The following RBFOX1 variants were observed in gnomAD, a reference collection of about 807,000 sequenced individuals.
The protein encoded by RBFOX1 is RNA binding fox-1 homolog 1.
RBFOX1 carries 8 observed loss-of-function variants against 57.7 expected under a neutral mutation model. The ratio of observed to expected loss-of-function variants is 0.14; its 90% confidence interval spans 0.08 to 0.25. The LOEUF is 0.25. Ranked by LOEUF, RBFOX1 falls within the 10% of genes least tolerant of loss-of-function variation. RBFOX1 has a pLI of 1.00. For synonymous variants in RBFOX1, 326 were observed against 222.4 expected, an observed-to-expected ratio of 1.47 and a Z score of -4.15; for missense variants, 611 against 548.5, an observed-to-expected ratio of 1.11 and a Z score of -1.14.
chr16:6,565,381 C>A (rs917685235), intron 2 of RBFOX1, among the ~76,000 whole-genome samples: 1 of 152,106 alleles, frequency 6.6e-6, no homozygotes, highest in East Asian at 1.9e-4. Context: ...CCTCAGCCTC[C>A]CAAGTAGCTG....
intron 2 of RBFOX1, among the ~76,000 whole-genome samples, chr16:6,653,112 G>A (rs767403390): frequency 2.0e-5 from 3 of 151,992 alleles, no homozygotes; most frequent in Non-Finnish European, 4.4e-5. Flanking sequence ...TGCCTGGGAT[G>A]TTCTCTTCCC....
At chr16:6,357,172 C>G (rs911905945) in intron 2 of RBFOX1, among the ~76,000 whole-genome samples, 1 of 152,052 alleles carries the variant, frequency 6.6e-6, no homozygotes, top group Non-Finnish European at 1.5e-5. Flanking sequence ...CTGCTACAGG[C>G]AAATATCTGG....
chr16:5,789,440 TGTGTATGAGAGTGTGC>T (rs1256926920), intron 3 of RBFOX1, among the ~76,000 whole-genome samples: 4 of 152,046 alleles, frequency 2.6e-5, no homozygotes, highest in African/African-American at 9.7e-5. Context: ...TATGAGTGTG[TGTGTATGAGAGTGTGC>T]ATGGGCATGT....
chr16:6,676,668 C>CTTTTCTTTTTTTTTTTTTTTTTTT (rs2057752708), intron 3 of RBFOX1, among the ~76,000 whole-genome samples: 1 of 126,664 alleles, frequency 7.9e-6, no homozygotes, highest in Non-Finnish European at 1.7e-5. Context: ...TTTTGTTTTT[C>CTTTTCTTTTTTTTTTTTTTTTTTT]TTTTCTTTTT....
chr16:6,809,900 T>A (rs906227437), intron 3 of RBFOX1, among the ~76,000 whole-genome samples: 1 of 152,148 alleles, frequency 6.6e-6, no homozygotes, highest in Admixed American at 6.5e-5. Flanking sequence ...GAGAGTTGCT[T>A]TTGTACAAAT....
rs1436075872 is a variant in RBFOX1 at position 5,577,233 on chromosome 16, C to G, written c.259-21669C>G. ...GCAGTGTAATTACTTTTGCAACGAT[C>G]TAAGAACAAGCAGACTCCGGGTCTG... On this transcript the variant is annotated intron_variant, in intron 2 of 2. Coordinates refer to the RBFOX1 transcript ENST00000585867. 7.9e-5 allele frequency among the ~76,000 whole-genome samples: 12 copies of G among 152,298 alleles called. No individual in the cohort carries two copies. In the South Asian group the frequency reaches 2.3e-3, roughly 29 times the overall value.
At chr16:5,372,513 T>G (rs1305032209) in intron 1 of RBFOX1, among the ~76,000 whole-genome samples, 2 of 152,216 alleles carry the variant, frequency 1.3e-5, no homozygotes, top group Middle Eastern at 3.2e-3. Context: ...AGGACTCTGA[T>G]TCCTCCACGT....
intron 2 of RBFOX1, among the ~76,000 whole-genome samples, chr16:6,431,565 T>C (rs1212584702): frequency 6.6e-6 from 1 of 152,030 alleles, no homozygotes; most frequent in Non-Finnish European, 1.5e-5. Flanking sequence ...TCCGAGGGTG[T>C]AAATGGTGGG....
Position 7,631,741 on chromosome 16 carries a change from C to T in RBFOX1, c.757+1058C>T, listed in dbSNP as rs1008775666. Among the ~76,000 whole-genome samples, 4 of 152,094 alleles carry T rather than the reference C, an allele frequency of 2.6e-5. No individual in the cohort carries two copies. In the South Asian group the frequency reaches 6.2e-4, roughly 24 times the overall value. On this transcript the variant is annotated intron_variant, in intron 11 of 15. Coordinates refer to ENST00000550418, the MANE Select transcript of RBFOX1 (RefSeq NM_018723.4). ...AGAGACGTAGGAGAATCCTCACCAT[C>T]GTGCCAAAACCAAACATCTTCGTTT...
intron 4 of RBFOX1, among the ~76,000 whole-genome samples, chr16:7,294,834 G>T (rs1285764015): frequency 6.6e-6 from 1 of 152,094 alleles, no homozygotes; most frequent in Non-Finnish European, 1.5e-5. Flanking sequence ...CATCTCTACT[G>T]CTGTTTGTAT....
At chr16:6,698,989 T>C (rs2061447086) in intron 3 of RBFOX1, among the ~76,000 whole-genome samples, 1 of 152,188 alleles carries the variant, frequency 6.6e-6, no homozygotes, top group African/African-American at 2.4e-5. Flanking sequence ...AGCTTAAAGC[T>C]AGAGAATGTG....
At chr16:6,993,073 C>T (rs909331273) in intron 3 of RBFOX1, among the ~76,000 whole-genome samples, 8 of 152,132 alleles carry the variant, frequency 5.3e-5, no homozygotes, top group African/African-American at 1.9e-4. Context: ...CAGTCATTCC[C>T]TAATTTCTTT....
intron 3 of RBFOX1, among the ~76,000 whole-genome samples, chr16:5,735,221 G>T (rs906612754): frequency 6.6e-6 from 1 of 152,138 alleles, no homozygotes; most frequent in African/African-American, 2.4e-5. Context: ...TTAACTGAAG[G>T]AAGGGGTCAG....
chr16:5,807,698 G>A (rs570406181), intron 3 of RBFOX1, among the ~76,000 whole-genome samples: 1 of 152,322 alleles, frequency 6.6e-6, no homozygotes, highest in East Asian at 1.9e-4. Flanking sequence ...AGTGTGGAAG[G>A]TTGAAGTCTA....
intron 1 of RBFOX1, among the ~76,000 whole-genome samples, chr16:6,208,656 G>A (rs748380144): frequency 2.6e-5 from 4 of 152,128 alleles, no homozygotes; most frequent in Non-Finnish European, 4.4e-5. Flanking sequence ...TGTTTTAATC[G>A]TTCTGCAATT....
chr16:7,419,917 C>G (rs991879905), intron 4 of RBFOX1, among the ~76,000 whole-genome samples: 2 of 107,368 alleles, frequency 1.9e-5, no homozygotes, highest in Non-Finnish European at 3.6e-5. Flanking sequence ...TGTTTTCTTT[C>G]TTTCTTCCTT....
At chr16:6,637,430 T>TTTATTATATAATATATAAATATATTA (rs2098453217) in intron 2 of RBFOX1, among the ~76,000 whole-genome samples, 1 of 23,496 alleles carries the variant, frequency 4.3e-5, no homozygotes, top group Non-Finnish European at 8.1e-5. Flanking sequence ...TATAAATATA[T>TTTATTATATAATATATAAATATATTA]TATATAAATA....
chr16:6,520,647 A>G (rs1296468881), intron 2 of RBFOX1, among the ~76,000 whole-genome samples: 1 of 152,186 alleles, frequency 6.6e-6, no homozygotes, highest in Non-Finnish European at 1.5e-5. Flanking sequence ...ACTATCTTTG[A>G]AAAGGGCAGG....
At chr16:7,145,960 T>C (rs1221669441) in intron 4 of RBFOX1, among the ~76,000 whole-genome samples, 1 of 152,188 alleles carries the variant, frequency 6.6e-6, no homozygotes, top group East Asian at 1.9e-4. Flanking sequence ...CTTCACTACC[T>C]TCCTTTCTCT....
Sources: allele counts gnomAD v4.1 joint callset (sites outside exome capture counted in the v4.1 genomes callset), GRCh38; gene constraint gnomAD v4.1.1; transcripts MANE v1.5; gene names NCBI Gene and HGNC (gene_info 2026-07-23, HGNC 2026-07-21).